Variants in LRRC7 observed in about 807,000 individuals in gnomAD.
LRRC7 encodes the protein leucine-rich repeat-containing protein 7.
A neutral mutation model predicts 175.7 loss-of-function variants in LRRC7; 23 were observed. That is an observed-to-expected ratio of 0.13 (90% CI 0.09 to 0.19). The LOEUF (loss-of-function observed/expected upper bound fraction) is 0.19, where lower values mean the gene tolerates loss of function less well. Ranked by LOEUF, LRRC7 falls within the 10% of genes least tolerant of loss-of-function variation. LRRC7 has a pLI of 1.00. For missense variants in LRRC7, 1,354 were observed against 1,904.7 expected, an observed-to-expected ratio of 0.71 and a Z score of 5.38; for synonymous variants, 685 against 680.9, an observed-to-expected ratio of 1.01 and a Z score of -0.09.
intron 3 of LRRC7, among the ~76,000 whole-genome samples, chr1:69,781,778 A>AG (rs1673659796): frequency 1.6e-5 from 1 of 61,376 alleles, no homozygotes; most frequent in Non-Finnish European, 3.2e-5. Context: ...AGAAAGAAAG[A>AG]AAGAAAGAAA....
intron 1 of LRRC7, among the ~76,000 whole-genome samples, chr1:69,587,437 A>C (rs1283875565): frequency 6.6e-6 from 1 of 152,052 alleles, no homozygotes; most frequent in Non-Finnish European, 1.5e-5. Context: ...GGGTCCTCCC[A>C]TCTTGAGATT....
chr1:70,013,555 C>T (rs925780268), intron 13 of LRRC7, among the ~76,000 whole-genome samples: 6 of 151,774 alleles, frequency 4.0e-5, no homozygotes, highest in South Asian at 2.1e-4. Context: ...ATACTGACAA[C>T]GAAATGGCTG....
chr1:69,800,119 T>C (rs1477983187), intron 4 of LRRC7, among the ~76,000 whole-genome samples: 1 of 152,064 alleles, frequency 6.6e-6, no homozygotes, highest in East Asian at 1.9e-4. Flanking sequence ...TTTATACAAG[T>C]ACCATGTTGT....
intron 8 of LRRC7, among the ~76,000 whole-genome samples, chr1:69,942,496 G>A (rs533229018): frequency 6.6e-6 from 1 of 152,102 alleles, no homozygotes; most frequent in East Asian, 1.9e-4. Context: ...ACAGTTCTGG[G>A]AGGTCAGAAG....
intron 7 of LRRC7, among the ~76,000 whole-genome samples, chr1:69,886,295 G>A (rs1483399819): frequency 6.6e-6 from 1 of 151,568 alleles, no homozygotes. Flanking sequence ...ACGAATCTGG[G>A]TGCTCCTGTA....
intron 26 of LRRC7, among the ~76,000 whole-genome samples, chr1:70,114,642 A>G (rs1665736245): frequency 6.6e-6 from 1 of 152,176 alleles, no homozygotes; most frequent in South Asian, 2.1e-4. Flanking sequence ...GAGCTATGAT[A>G]GAGCCATTGC....
intron 7 of LRRC7, among the ~76,000 whole-genome samples, chr1:69,923,499 T>C (rs1646957431): frequency 6.6e-6 from 1 of 152,156 alleles, no homozygotes; most frequent in Admixed American, 6.5e-5. Flanking sequence ...GACTTTTTAA[T>C]GATTGCCATT....
intron 2 of LRRC7, among the ~76,000 whole-genome samples, chr1:69,722,699 G>A (rs926676125): frequency 1.3e-5 from 2 of 151,782 alleles, no homozygotes; most frequent in African/African-American, 4.8e-5. Context: ...TTCAAGTTGC[G>A]TTTTTCTATT....
Position 70,038,615 on chromosome 1 carries a change from C to T in LRRC7, c.2791C>T (p.Pro931Ser). The T allele has an allele frequency of 6.2e-7, 1 of 1,614,066 alleles. No homozygotes were observed. Among genetic ancestry groups the T allele is most frequent in the Non-Finnish European group, 8.5e-7 (1 of 1,179,992 alleles). Residue 931 changes from proline (P) to serine (S), a missense_variant, in exon 21 of 27, where the codon CCA becomes TCA. Around this residue, in one of 4 missense-constraint regions of LRRC7, gnomAD observed 1,032 missense variants for 1,227.2 expected, o/e 0.84. Coordinates refer to ENST00000651989, the MANE Select transcript of LRRC7 (RefSeq NM_001370785.2). ...ACCTAGTCCTTTTTCTCCAGGCGTACCATGGGAGTATCATGATTCCAATCC... is the reference window on the plus strand; with the variant it reads ...ACCTAGTCCTTTTTCTCCAGGCGTATCATGGGAGTATCATGATTCCAATCC... ...EIPSPFSPGV[P>S]WEYHDSNPNR...
intron 1 of LRRC7, among the ~76,000 whole-genome samples, chr1:69,619,129 A>C (rs987428878): frequency 6.6e-6 from 1 of 151,958 alleles, no homozygotes; most frequent in South Asian, 2.1e-4. Context: ...ATCCATCAAA[A>C]TGTATGTCCC....
intron 10 of LRRC7, among the ~76,000 whole-genome samples, chr1:69,991,155 C>CA (rs10709966): frequency 0.014 from 1,952 of 135,416 alleles, 38 homozygotes; most frequent in African/African-American, 0.048. Flanking sequence ...GACCTTTTAT[C>CA]AAAAAAAAAA....
At chr1:69,754,018 G>A (rs944586691) in intron 2 of LRRC7, among the ~76,000 whole-genome samples, 1 of 152,016 alleles carries the variant, frequency 6.6e-6, no homozygotes, top group African/African-American at 2.4e-5. Flanking sequence ...TACAAAGGAA[G>A]CCATAAGTGT....
At chr1:69,743,963 A>G (rs1668989913) in intron 2 of LRRC7, among the ~76,000 whole-genome samples, 1 of 151,774 alleles carries the variant, frequency 6.6e-6, no homozygotes, top group Admixed American at 6.6e-5. Context: ...AAATTTCTCT[A>G]AAATGCTAAG....
At chr1:69,834,392 C>T (rs947060470) in intron 5 of LRRC7, among the ~76,000 whole-genome samples, 6 of 152,044 alleles carry the variant, frequency 3.9e-5, no homozygotes, top group Admixed American at 1.3e-4. Flanking sequence ...TCTTGCCTGA[C>T]TATATATGTG....
intron 7 of LRRC7, among the ~76,000 whole-genome samples, chr1:69,882,748 A>G (rs112977471): frequency 0.13 from 19,223 of 143,696 alleles, 1,979 homozygotes; most frequent in African/African-American, 0.29. Flanking sequence ...ATATCTCCCA[A>G]TGCTATCCCT....
intron 1 of LRRC7, among the ~76,000 whole-genome samples, chr1:69,623,392 A>G (rs75967819): frequency 0.015 from 2,252 of 152,172 alleles, 61 homozygotes; most frequent in African/African-American, 0.052. Context: ...GAGAAAATGA[A>G]CATTTTAATC....
chr1:70,014,407 G>A (rs539830576), intron 13 of LRRC7, among the ~76,000 whole-genome samples: 1 of 152,102 alleles, frequency 6.6e-6, no homozygotes, highest in African/African-American at 2.4e-5. Flanking sequence ...ACACTGCCAG[G>A]TGCTAGGGTG....
intron 23 of LRRC7, among the ~76,000 whole-genome samples, chr1:70,073,067 A>C (rs371059053): frequency 1.3e-5 from 2 of 152,160 alleles, no homozygotes; most frequent in South Asian, 2.1e-4. Flanking sequence ...AATGTACTTA[A>C]CCTCTTCCAC....
At chr1:70,032,783 C>T (rs1658896548) in intron 18 of LRRC7, among the ~76,000 whole-genome samples, 1 of 152,136 alleles carries the variant, frequency 6.6e-6, no homozygotes, top group Admixed American at 6.6e-5. Flanking sequence ...CTTCCTGAGG[C>T]TTCTTTTCTT....
Sources: allele counts gnomAD v4.1 joint callset (sites outside exome capture counted in the v4.1 genomes callset), GRCh38; gene constraint gnomAD v4.1.1; regional missense constraint gnomAD v4.1.1; transcripts MANE v1.5; gene names NCBI Gene and HGNC (gene_info 2026-07-23, HGNC 2026-07-21).